Variants in MORN1 observed in about 807,000 individuals in gnomAD.
MORN1 encodes MORN repeat containing 1.
MORN1 carries 67 observed loss-of-function variants against 61.9 expected under a neutral mutation model. The observed-to-expected ratio is 1.08, with a 90% CI of 0.89 to 1.33. MORN1 has a LOEUF of 1.33. Ranked by LOEUF, MORN1 falls within the 40% of genes most tolerant of loss-of-function variation. The pLI, the probability that MORN1 is intolerant of heterozygous loss-of-function variation, is 0.00. For synonymous variants in MORN1, 301 were observed against 292.0 expected (o/e 1.03, Z -0.31); for missense variants, 752 against 691.2 (o/e 1.09, Z -0.99).
At chr1:2,324,773 C>T (rs1386387489) in intron 12 of MORN1, among the ~76,000 whole-genome samples, 1 of 152,126 alleles carries the variant, frequency 6.6e-6, no homozygotes, top group Non-Finnish European at 1.5e-5. Flanking sequence ...GAGGCAGTCT[C>T]TGGGGGGGCC....
At position 2,357,983 on chromosome 1, in the gene MORN1, A is replaced by C. The variant is rs1479215218; in HGVS notation, c.870-385T>G. Among the ~76,000 whole-genome samples the C allele has an allele frequency of 3.3e-5, 5 of 152,170 alleles. No homozygotes were observed. ...AAGGGAGTGTGAGAGCTGTGGCGTC[A>C]CACTCAGGTCTGGTCGCCTGGGGCA... On this transcript the variant is annotated intron_variant, in intron 9 of 13. Coordinates refer to ENST00000378531, the MANE Select transcript of MORN1 (RefSeq NM_024848.3). This position sits in a 1 kb window ranked among gnomAD's most constrained non-coding sequence, Gnocchi z 6.3.
intron 10 of MORN1, among the ~76,000 whole-genome samples, chr1:2,346,260 A>C (rs1641514210): frequency 6.6e-6 from 1 of 152,240 alleles, no homozygotes; most frequent in Non-Finnish European, 1.5e-5. Flanking sequence ...GGGTGCCCGC[A>C]GTCAGGGAAA....
chr1:2,329,480 T>A (rs988128986), intron 12 of MORN1, among the ~76,000 whole-genome samples: 4 of 152,146 alleles, frequency 2.6e-5, no homozygotes, highest in African/African-American at 9.7e-5. Flanking sequence ...TCCTGGGAGT[T>A]CTCATCCCTG....
chr1:2,327,523 C>T (rs141778964), intron 12 of MORN1, among the ~76,000 whole-genome samples: 10 of 152,316 alleles, frequency 6.6e-5, no homozygotes, highest in African/African-American at 2.2e-4. Flanking sequence ...CACAGACACA[C>T]AGACACAGAG....
At chr1:2,325,121 C>CCCTTCCTTCCCTT (rs1640980830) in intron 12 of MORN1, among the ~76,000 whole-genome samples, 2 of 86,730 alleles carry the variant, frequency 2.3e-5, no homozygotes, top group African/African-American at 1.4e-4. Context: ...TCCCTTCCTT[C>CCCTTCCTTCCCTT]CCTTCCTTCC....
Position 2,321,262 on chromosome 1 carries a change from C to G in MORN1, c.*121G>C. The G allele has an allele frequency of 1.3e-6, 1 of 775,688 alleles. No individual in the cohort carries two copies. Among genetic ancestry groups the G allele is most frequent in the Non-Finnish European group, 2.0e-6 (1 of 507,230 alleles). 48.1% of individuals were successfully genotyped at this position (775,688 alleles called of 1,614,324 possible). A position where few individuals can be genotyped will look rare whatever the true frequency, so the allele number is the denominator to read the frequency against. On this transcript the variant is annotated 3_prime_UTR_variant, in exon 14 of 14. Transcript: ENST00000378531. ...GGAGCAGTGCCCTCCATAGCCGCCACTGAGCATTTTATTCAAGCCAGCAAC... is the reference window on the plus strand; with the variant it reads ...GGAGCAGTGCCCTCCATAGCCGCCAGTGAGCATTTTATTCAAGCCAGCAAC...
intron 10 of MORN1, among the ~76,000 whole-genome samples, chr1:2,348,720 G>GCACGCACACACAC (rs1641576128): frequency 4.8e-5 from 6 of 124,220 alleles, no homozygotes; most frequent in Non-Finnish European, 1.0e-4. Context: ...CACCTGCGCG[G>GCACGCACACACAC]GCACGCACAC....
intron 2 of MORN1, among the ~76,000 whole-genome samples, chr1:2,389,124 A>AG (rs1553226357): frequency 8.9e-6 from 1 of 112,326 alleles, no homozygotes; most frequent in Admixed American, 9.7e-5. Context: ...AAAAAAAAAA[A>AG]AAAAGAAAAA....
intron 12 of MORN1, among the ~76,000 whole-genome samples, 173 bp downstream of exon 12, chr1:2,336,296 C>A (rs1281483785): frequency 2.0e-5 from 3 of 152,236 alleles, no homozygotes; most frequent in Non-Finnish European, 4.4e-5. Flanking sequence ...GCTGTTAGCC[C>A]CGCGAGACCC....
intron 10 of MORN1, among the ~76,000 whole-genome samples, chr1:2,353,205 GT>G (rs1263766256): frequency 1.3e-4 from 20 of 152,334 alleles, no homozygotes; most frequent in Non-Finnish European, 2.2e-4. Context: ...CTTCGGTTTC[GT>G]TTTTTTGAGA....
Position 2,357,407 on chromosome 1 carries a change from C to T in MORN1, c.1036+25G>A, listed in dbSNP as rs752753503. ...TGCTGGGCCTGGGCCCACCCACCCC[C>T]AACTGGTTTGTGAGCTCCACTTACC... On this transcript the variant is annotated intron_variant, in intron 10 of 13. Transcript: ENST00000378531. The surrounding 1 kb of genome is among the most constrained non-coding windows in gnomAD (Gnocchi z 6.3). 39 of 1,570,598 alleles carry T rather than the reference C, an allele frequency of 2.5e-5. No homozygotes were observed. In the East Asian group the frequency reaches 3.9e-4, roughly 16 times the overall value.
intron 13 of MORN1, chr1:2,322,646 G>A (rs1049472860): frequency 2.8e-5 from 28 of 985,362 alleles, no homozygotes; most frequent in Non-Finnish European, 3.1e-5. Context: ...GGGCACCGGG[G>A]ACAGCCTCCC....
At chr1:2,322,869 C>A (rs559611517) in intron 13 of MORN1, 2 of 985,354 alleles carry the variant, frequency 2.0e-6, no homozygotes, top group East Asian at 2.3e-4. Flanking sequence ...GAAGGGTGGG[C>A]GGCAAGGGCT....
At chr1:2,390,359 G>C in intron 1 of MORN1, 1 of 936,616 alleles carries the variant, frequency 1.1e-6, no homozygotes, top group Non-Finnish European at 1.3e-6. Context: ...GGGGAAGGCA[G>C]AGCGGCAGTG....
intron 10 of MORN1, among the ~76,000 whole-genome samples, chr1:2,348,763 A>ACACGCACT (rs1641580907): frequency 1.5e-5 from 2 of 134,706 alleles, no homozygotes; most frequent in Middle Eastern, 4.0e-3. Flanking sequence ...ACACACGCAC[A>ACACGCACT]CCTGCGCAGG....
intron 12 of MORN1, among the ~76,000 whole-genome samples, chr1:2,335,829 A>AGCCCGGCCCG (rs568929816): frequency 5.0e-5 from 7 of 139,432 alleles, no homozygotes; most frequent in African/African-American, 2.0e-4. Flanking sequence ...TCGCCTCCAT[A>AGCCCGGCCCG]GCCCAGCCCA....
intron 1 of MORN1, chr1:2,390,648 T>C (rs1337602998): frequency 1.9e-5 from 19 of 985,210 alleles, no homozygotes; most frequent in Non-Finnish European, 2.3e-5. Flanking sequence ...ACTGTATCTG[T>C]CCCAAATCAG....
intron 10 of MORN1, among the ~76,000 whole-genome samples, chr1:2,340,982 G>A (rs575960125): frequency 5.3e-5 from 8 of 152,368 alleles, no homozygotes; most frequent in South Asian, 2.1e-4. Flanking sequence ...AGACCACGAC[G>A]CGGGCTGTCC....
Position 2,321,518 on chromosome 1 carries a change from G to A in MORN1, c.1359C>T (p.Pro453=). Residue 453 remains proline, a synonymous_variant, in exon 14 of 14, where the codon CCC becomes CCT. Coordinates refer to ENST00000378531, the MANE Select transcript of MORN1 (RefSeq NM_024848.3). The stretch of plus-strand genomic sequence containing the variant: ...CGACCCGCAGGTGTTTGAAGGCCGG[G>A]GGCAGCCTGCGCCCCAGGAACGGCG... The part of the protein sequence containing the change: ...TTPPFLGRRL[P]PAFKHLRVVA... 1 of 1,535,312 alleles carries A rather than the reference G, an allele frequency of 6.5e-7. No homozygotes were observed. Among genetic ancestry groups the A allele is most frequent in the Non-Finnish European group, 8.8e-7 (1 of 1,140,306 alleles).
Sources: allele counts gnomAD v4.1 joint callset (sites outside exome capture counted in the v4.1 genomes callset), GRCh38; gene constraint gnomAD v4.1.1; non-coding constraint Gnocchi (gnomAD v3.1); transcripts MANE v1.5; gene names NCBI Gene and HGNC (gene_info 2026-07-23, HGNC 2026-07-21).